Variants in CADM1 observed in about 807,000 individuals in gnomAD.
The protein encoded by CADM1 is cell adhesion molecule 1.
CADM1 carries 15 observed loss-of-function variants against 53.1 expected under a neutral mutation model. The ratio of observed to expected loss-of-function variants is 0.28; its 90% CI spans 0.19 to 0.44. The LOEUF (loss-of-function observed/expected upper bound fraction) is 0.44, where lower values mean the gene tolerates loss of function less well. CADM1 is among the 20% of genes least tolerant of loss of function. The pLI is 1.00. For missense variants in CADM1, 434 were observed against 611.3 expected (o/e 0.71, Z 3.06); for synonymous variants, 281 against 243.0 (o/e 1.16, Z -1.45).
intron 1 of CADM1, among the ~76,000 whole-genome samples, chr11:115,428,421 T>C (rs1947953454): frequency 6.6e-6 from 1 of 152,150 alleles, no homozygotes; most frequent in South Asian, 2.1e-4. Flanking sequence ...CTCATTTATA[T>C]AAAAAAGAAT....
chr11:115,294,344 C>G (rs1286396057), intron 1 of CADM1, among the ~76,000 whole-genome samples: 1 of 152,116 alleles, frequency 6.6e-6, no homozygotes, highest in Non-Finnish European at 1.5e-5. Context: ...ACCAAACCCT[C>G]CTTCCTTCAG....
chr11:115,453,728 A>C (rs1350243150), intron 1 of CADM1, among the ~76,000 whole-genome samples: 1 of 152,100 alleles, frequency 6.6e-6, no homozygotes, highest in East Asian at 1.9e-4. Flanking sequence ...CAAACTCTTG[A>C]GCTCAAGTGA....
Position 115,270,026 on chromosome 11 carries a change from A to T in CADM1, c.125-29606T>A, listed in dbSNP as rs75369272. Among the ~76,000 whole-genome samples the T allele has an allele frequency of 6.8e-3, 1,037 of 152,278 alleles. 9 individuals are homozygous for T. The highest frequency in any genetic ancestry group is 0.023 in the African/African-American group (971 of 41,568). On this transcript the variant is annotated intron_variant, in intron 1 of 11. Coordinates refer to ENST00000331581, the MANE Select transcript of CADM1 (RefSeq NM_001301043.2). ...TTAGGCGACGAAGAGGATTTGTGTA[A>T]AAGTGTGCAGGCGTCAACTCCCACT...
intron 1 of CADM1, among the ~76,000 whole-genome samples, chr11:115,347,249 G>GCC (rs112821877): frequency 9.2e-5 from 14 of 151,954 alleles, no homozygotes; most frequent in Admixed American, 1.3e-4. Context: ...TGGGGTACTA[G>GCC]CCCCCCCAAC....
intron 1 of CADM1, among the ~76,000 whole-genome samples, chr11:115,317,830 C>G (rs570071243): frequency 5.6e-4 from 85 of 152,254 alleles, no homozygotes; most frequent in African/African-American, 2.0e-3. Flanking sequence ...TTTTCTCAGC[C>G]AATCCAGGCT....
At chr11:115,369,026 T>TAAAAAAAAA (rs552309443) in intron 1 of CADM1, among the ~76,000 whole-genome samples, 2,720 of 44,640 alleles carry the variant, frequency 0.061, 243 homozygotes, top group Middle Eastern at 0.12. Flanking sequence ...AAAAAAAATC[T>TAAAAAAAAA]AAAAAAAAAA....
intron 1 of CADM1, among the ~76,000 whole-genome samples, chr11:115,315,930 G>A (rs1392605074): frequency 6.6e-6 from 1 of 152,068 alleles, no homozygotes; most frequent in Non-Finnish European, 1.5e-5. Flanking sequence ...CATTCAACTG[G>A]GAGGGTGTTT....
intron 1 of CADM1, chr11:115,445,621 A>G (rs1193966317): frequency 3.4e-6 from 1 of 296,050 alleles, no homozygotes; most frequent in Non-Finnish European, 6.7e-6. Context: ...AGGCGAATGG[A>G]TTACCTGAGG....
At chr11:115,313,027 GA>G (rs1170727694) in intron 1 of CADM1, among the ~76,000 whole-genome samples, 1 of 151,870 alleles carries the variant, frequency 6.6e-6, no homozygotes, top group Non-Finnish European at 1.5e-5. Flanking sequence ...AAAAAAACTA[GA>G]AAAGCAGCAA....
At chr11:115,304,252 A>C (rs540170759) in intron 1 of CADM1, among the ~76,000 whole-genome samples, 15 of 152,184 alleles carry the variant, frequency 9.9e-5, no homozygotes, top group African/African-American at 3.1e-4. Context: ...ATGACAGTTA[A>C]ATTTTATAAT....
chr11:115,176,317 T>TC lies in CADM1; in HGVS notation c.*156_*157insG, dbSNP rs1188403736. ...GAGTGTACTTTCCAAAGAACATTTT[T>TC]TTTTTTTTTACACAGCAAATCCCAA... is the stretch of plus-strand genomic sequence containing the variant. On this transcript the variant is annotated 3_prime_UTR_variant, in exon 12 of 12. Coordinates refer to ENST00000331581, the MANE Select transcript of CADM1 (RefSeq NM_001301043.2). 1.3e-6 allele frequency: 2 copies of TC among 1,509,798 alleles called. No individual in the cohort carries two copies. Among genetic ancestry groups the TC allele is most frequent in the Non-Finnish European group, 1.8e-6 (2 of 1,128,598 alleles). 93.5% of individuals were successfully genotyped at this position (1,509,798 alleles called of 1,614,324 possible). A position where few individuals can be genotyped will look rare whatever the true frequency, so the allele number is the denominator to read the frequency against.
intron 1 of CADM1, among the ~76,000 whole-genome samples, chr11:115,451,547 C>T (rs1948572331): frequency 6.6e-6 from 1 of 152,258 alleles, no homozygotes; most frequent in Admixed American, 6.5e-5. Flanking sequence ...TTGTATGAAA[C>T]AAAAACATTA....
At chr11:115,483,279 A>G (rs1949296443) in intron 1 of CADM1, among the ~76,000 whole-genome samples, 1 of 152,252 alleles carries the variant, frequency 6.6e-6, no homozygotes, top group Admixed American at 6.5e-5. Flanking sequence ...TAAGAGTTGC[A>G]TTAACCTGGC....
Position 115,238,667 on chromosome 11 carries a change from A to AG in CADM1, c.272-16dup. On this transcript the variant is annotated splice_polypyrimidine_tract_variant and intron_variant, in intron 2 of 11. Transcript: ENST00000331581. ...GTCCTTCAAAGCTGTGAAACAAAAC[A>AG]GAGAGTTAGTGATTGTGAGAAGGTG... 1 of 1,613,430 alleles carries AG rather than the reference A, an allele frequency of 6.2e-7. No homozygotes were observed. Among genetic ancestry groups the AG allele is most frequent in the Non-Finnish European group, 8.5e-7 (1 of 1,179,526 alleles).
chr11:115,465,267 C>G (rs1436533176), intron 1 of CADM1, among the ~76,000 whole-genome samples: 1 of 152,040 alleles, frequency 6.6e-6, no homozygotes, highest in Non-Finnish European at 1.5e-5. Flanking sequence ...AACAAGATTA[C>G]TGCAGCAAGA....
chr11:115,268,200 A>G (rs1004612064), intron 1 of CADM1, among the ~76,000 whole-genome samples: 1 of 152,230 alleles, frequency 6.6e-6, no homozygotes, highest in Non-Finnish European at 1.5e-5. Context: ...GCCCAGAATT[A>G]TTAGCTATAG....
chr11:115,431,117 A>T (rs1948036748), intron 1 of CADM1, among the ~76,000 whole-genome samples: 1 of 152,204 alleles, frequency 6.6e-6, no homozygotes, highest in African/African-American at 2.4e-5. Context: ...GTCCTTCCTA[A>T]ATGGCACAAA....
intron 1 of CADM1, among the ~76,000 whole-genome samples, chr11:115,436,488 T>C (rs1294377954): frequency 1.3e-5 from 2 of 152,226 alleles, no homozygotes; most frequent in Non-Finnish European, 2.9e-5. Context: ...CTCTGCTCTA[T>C]GTTCCACGTT....
intron 1 of CADM1, among the ~76,000 whole-genome samples, chr11:115,462,964 A>G (rs1402498568): frequency 2.6e-5 from 4 of 152,146 alleles, no homozygotes; most frequent in Non-Finnish European, 1.5e-5. Flanking sequence ...AGGGAAGGGG[A>G]TGGTGACTGG....
Sources: allele counts gnomAD v4.1 joint callset (sites outside exome capture counted in the v4.1 genomes callset), GRCh38; gene constraint gnomAD v4.1.1; transcripts MANE v1.5; gene names NCBI Gene and HGNC (gene_info 2026-07-23, HGNC 2026-07-21).